The following NUDCD3 variants were observed in gnomAD, a reference collection of about 807,000 sequenced individuals.
NUDCD3 encodes NudC domain containing 3.
In NUDCD3, 13 loss-of-function variants were observed where a neutral mutation model predicts 39.7. The observed-to-expected ratio is 0.33, with a 90% CI of 0.21 to 0.52. The LOEUF is 0.52. Among genes scored for constraint, NUDCD3 ranks in the 20% least tolerant of loss-of-function variants. The pLI is 0.96. For synonymous variants in NUDCD3, 175 were observed against 172.4 expected, an observed-to-expected ratio of 1.02 and a Z score of -0.12; for missense variants, 453 against 458.1, an observed-to-expected ratio of 0.99 and a Z score of 0.10.
intron 3 of NUDCD3, among the ~76,000 whole-genome samples, chr7:44,421,066 G>T (rs1041935983): frequency 6.6e-6 from 1 of 152,164 alleles, no homozygotes; most frequent in African/African-American, 2.4e-5. Context: ...AGGAGTGGTG[G>T]CTCACACCTG....
chr7:44,390,326 T>C (rs1426167988), intron 5 of NUDCD3, among the ~76,000 whole-genome samples: 1 of 152,180 alleles, frequency 6.6e-6, no homozygotes, highest in African/African-American at 2.4e-5. Context: ...ATCACACCAC[T>C]GCATTCCAGC....
At chr7:44,462,063 A>G (rs967377272) in intron 2 of NUDCD3, among the ~76,000 whole-genome samples, 2 of 152,230 alleles carry the variant, frequency 1.3e-5, no homozygotes, top group Admixed American at 6.5e-5. Flanking sequence ...GAGGCAGTCC[A>G]CAAATATAGC....
At chr7:44,484,400 A>G (rs1009935997) in intron 2 of NUDCD3, 1 of 152,540 alleles carries the variant, frequency 6.6e-6, no homozygotes, top group East Asian at 1.9e-4. Flanking sequence ...CTGCTTGACT[A>G]TCGGCTCATT....
chr7:44,382,061 G>A lies in NUDCD3; in HGVS notation c.*3950C>T, dbSNP rs1452491779. 1 of 152,164 alleles carries A rather than the reference G, an allele frequency of 6.6e-6. No homozygotes were observed. The highest frequency in any genetic ancestry group is 1.5e-5 in the Non-Finnish European group (1 of 68,044). The allele number at this position is 152,164 out of a possible 1,614,324, so 9.4% of individuals were successfully genotyped here. A position where few individuals can be genotyped will look rare whatever the true frequency, so the allele number is the denominator to read the frequency against. On this transcript the variant is annotated 3_prime_UTR_variant, in exon 6 of 6. Coordinates refer to ENST00000355451, the MANE Select transcript of NUDCD3 (RefSeq NM_015332.4). Reference sequence around the variant, plus strand: ...GCAAAGTGGGGACTTCAGGCATTTGGTGTGGAGGAATGGGTGGTGGGATTG... The same window carrying A: ...GCAAAGTGGGGACTTCAGGCATTTGATGTGGAGGAATGGGTGGTGGGATTG...
intron 5 of NUDCD3, among the ~76,000 whole-genome samples, chr7:44,391,839 C>T (rs973621194): frequency 2.6e-5 from 4 of 152,208 alleles, no homozygotes; most frequent in African/African-American, 4.8e-5. Flanking sequence ...TCCTCCCTAA[C>T]CCACTGCTGA....
chr7:44,426,565 G>A (rs1477458836), intron 3 of NUDCD3, among the ~76,000 whole-genome samples: 4 of 152,182 alleles, frequency 2.6e-5, no homozygotes, highest in Admixed American at 6.5e-5. Flanking sequence ...GGGAGGCCGA[G>A]GCGGGCGGAT....
rs910634630 is a variant in NUDCD3, at chr7:44,463,689, C to T, written c.509+21279G>A. 2.0e-5 allele frequency among the ~76,000 whole-genome samples: 3 copies of T among 152,004 alleles called. No homozygotes were observed. In the East Asian group the frequency reaches 5.8e-4, roughly 29 times the overall value. On this transcript the variant is annotated intron_variant, in intron 2 of 5. Coordinates refer to ENST00000355451, the MANE Select transcript of NUDCD3 (RefSeq NM_015332.4). Reference sequence around the variant, plus strand: ...TCTTAAACATTAAAAACTGGAATCACTAAATTAAAATAAATAAATAAAAGG... The same window carrying T: ...TCTTAAACATTAAAAACTGGAATCATTAAATTAAAATAAATAAATAAAAGG...
intron 3 of NUDCD3, chr7:44,426,009 A>G (rs1799227778): frequency 2.5e-6 from 1 of 407,956 alleles, no homozygotes; most frequent in Non-Finnish European, 3.3e-6. Context: ...ATCGGTTAGC[A>G]TGCGGTACTT....
intron 4 of NUDCD3, among the ~76,000 whole-genome samples, chr7:44,399,277 A>G (rs1798679116): frequency 6.6e-6 from 1 of 152,166 alleles, no homozygotes; most frequent in African/African-American, 2.4e-5. Context: ...GCTCTTCCCT[A>G]CTGGAACTGA....
chr7:44,406,974 G>C (rs1483329003), intron 3 of NUDCD3, among the ~76,000 whole-genome samples: 1 of 152,166 alleles, frequency 6.6e-6, no homozygotes, highest in African/African-American at 2.4e-5. Context: ...TGTGGCCCTG[G>C]ACGCCCCACT....
At chr7:44,490,215 C>T (rs1800704322) in intron 1 of NUDCD3, 194 bp downstream of exon 1, 1 of 581,862 alleles carries the variant, frequency 1.7e-6, no homozygotes, top group Admixed American at 3.6e-5. Context: ...CTCAGGACGT[C>T]CGGAGCGAAC....
intron 2 of NUDCD3, among the ~76,000 whole-genome samples, chr7:44,458,182 A>C (rs1799938896): frequency 6.6e-6 from 1 of 152,238 alleles, no homozygotes; most frequent in African/African-American, 2.4e-5. Context: ...GAATCCTGAA[A>C]ACACTCCATT....
At position 44,379,700 on chromosome 7, in the gene NUDCD3, G is replaced by A. The variant is rs2116846152; in HGVS notation, c.*6311C>T. 6.6e-6 allele frequency: 1 copy of A among 152,348 alleles called. No homozygotes were observed. Among genetic ancestry groups the A allele is most frequent in the Middle Eastern group, 3.4e-3 (1 of 294 alleles). 9.4% of individuals were successfully genotyped at this position (152,348 alleles called of 1,614,324 possible). A position where few individuals can be genotyped will look rare whatever the true frequency, so the allele number is the denominator to read the frequency against. Reference sequence around the variant, plus strand: ...TGCCATCACATGGCTGACCACCTCTGGTGAGAACACTGGAGAATAGTTTAG... The same window carrying A: ...TGCCATCACATGGCTGACCACCTCTAGTGAGAACACTGGAGAATAGTTTAG... On this transcript the variant is annotated 3_prime_UTR_variant, in exon 6 of 6. Transcript: ENST00000355451.
intron 4 of NUDCD3, among the ~76,000 whole-genome samples, chr7:44,395,129 T>C (rs12154541): frequency 0.14 from 20,617 of 152,244 alleles, 1,728 homozygotes; most frequent in Non-Finnish European, 0.19. Flanking sequence ...CATGCCCAAG[T>C]TGTTTCAAAA....
At chr7:44,427,745 G>A (rs1456166164) in intron 2 of NUDCD3, 42 bp from the exon 3 acceptor site, 11 of 1,603,450 alleles carry the variant, frequency 6.9e-6, no homozygotes, top group Non-Finnish European at 9.4e-6. Flanking sequence ...AGCCATGCCT[G>A]AGCAGAGGAC....
At chr7:44,389,450 G>A (rs530356777) in intron 5 of NUDCD3, among the ~76,000 whole-genome samples, 176 of 152,216 alleles carry the variant, frequency 1.2e-3, no homozygotes, top group African/African-American at 4.0e-3. Context: ...AGGCCGAGGC[G>A]GGCGGATCAC....
At position 44,380,178 on chromosome 7, in the gene NUDCD3, G is replaced by A. The variant is rs1798283248; in HGVS notation, c.*5833C>T. 1.3e-5 allele frequency: 2 copies of A among 152,244 alleles called. No homozygotes were observed. The highest frequency in any genetic ancestry group is 2.9e-5 in the Non-Finnish European group (2 of 68,098). 9.4% of individuals were successfully genotyped at this position (152,244 alleles called of 1,614,324 possible). On this transcript the variant is annotated 3_prime_UTR_variant, in exon 6 of 6. Transcript: ENST00000355451. ...TGGCTGGTCAGGCCAGGGAGGACAA[G>A]CTGTGGACCTAACAGGTGACCACTG... is the stretch of plus-strand genomic sequence containing the variant.
intron 2 of NUDCD3, chr7:44,468,363 A>G (rs1800175665): frequency 8.4e-6 from 11 of 1,315,314 alleles, no homozygotes; most frequent in South Asian, 7.8e-5. Context: ...AAAAAAAAAA[A>G]AAAAAAAGAA....
chr7:44,400,139 A>G (rs1052705459), intron 4 of NUDCD3, among the ~76,000 whole-genome samples: 2 of 152,234 alleles, frequency 1.3e-5, no homozygotes, highest in African/African-American at 4.8e-5. Flanking sequence ...CCAACTGCCT[A>G]GCTTTGGGGA....
Sources: gnomAD v4.1 joint callset for allele counts (sites outside exome capture counted in the v4.1 genomes callset) on GRCh38, gnomAD v4.1.1 for gene constraint, MANE v1.5 for transcripts, NCBI Gene and HGNC (gene_info 2026-07-23, HGNC 2026-07-21) for gene names.